Variants in DHRS3 observed in about 807,000 individuals in gnomAD.
DHRS3 encodes short-chain dehydrogenase/reductase 3.
DHRS3 carries 14 observed loss-of-function variants against 27.2 expected under a neutral mutation model. That is an observed-to-expected ratio of 0.52 (90% CI 0.34 to 0.81). DHRS3 has a LOEUF of 0.81. Among genes scored for constraint, DHRS3 ranks in the 30% least tolerant of loss-of-function variants. The probability of loss-of-function intolerance (pLI) is 0.01; values close to 1 mark genes in which losing one functional copy is unlikely to be tolerated. For missense variants in DHRS3, 322 were observed against 406.2 expected (o/e 0.79, Z 1.78); for synonymous variants, 165 against 175.9 (o/e 0.94, Z 0.49).
In DHRS3 at chr1:12,569,934, A is replaced by T. The variant is rs185662319; in HGVS notation, c.825-1510T>A. 2.6e-5 allele frequency: 4 copies of T among 152,328 alleles called. No individual in the cohort carries two copies. In the East Asian group the frequency reaches 7.7e-4, roughly 29 times the overall value. The allele number at this position is 152,328 out of a possible 1,614,324, so 9.4% of individuals were successfully genotyped here. On this transcript the variant is annotated intron_variant, in intron 5 of 5. Transcript: ENST00000616661. ...TAGTCACCCTGCTGTGCTATCAAAG[A>T]CTTGTTCTTATTCGGTCTATTTTTT...
intron 1 of DHRS3, 79 bp downstream of exon 1, chr1:12,617,075 C>G: frequency 6.8e-7 from 1 of 1,466,594 alleles, no homozygotes; most frequent in East Asian, 2.5e-5. Context: ...CTCCCGGGCG[C>G]GGGATCCCGC....
intron 1 of DHRS3, among the ~76,000 whole-genome samples, chr1:12,605,425 C>A (rs12060996): frequency 0.024 from 3,618 of 152,154 alleles, 129 homozygotes; most frequent in African/African-American, 0.082. Context: ...CTGTACAGTA[C>A]CATAGTCATT....
In DHRS3 at chr1:12,608,441, G is replaced by A. The variant is rs1162203834; in HGVS notation, c.195+8713C>T. On this transcript the variant is annotated intron_variant, in intron 1 of 5. Transcript: ENST00000616661. This position sits in a 1 kb window ranked among gnomAD's most constrained non-coding sequence, Gnocchi z 4.1. ...TCCCTGCTCCCCAGCACCCTGGAAA[G>A]CCTGGACAAAGGAATGACATCACTG... is the stretch of plus-strand genomic sequence containing the variant. 6.6e-6 allele frequency among the ~76,000 whole-genome samples: 1 copy of A among 152,142 alleles called. No homozygotes were observed. The highest frequency in any genetic ancestry group is 1.5e-5 in the Non-Finnish European group (1 of 68,034).
chr1:12,617,857 C>T lies in DHRS3; in HGVS notation c.-509G>A, dbSNP rs1270356787. ...AGCGCCCCCACCCCCACCCCGTCTC[C>T]AGAAAAAAAAAAAAAAAAAAAGTGG... is the stretch of plus-strand genomic sequence containing the variant. On this transcript the variant is annotated 5_prime_UTR_variant, in exon 1 of 6. Transcript: ENST00000616661. 1.8e-5 allele frequency: 1 copy of T among 57,088 alleles called. No individual in the cohort carries two copies. Among genetic ancestry groups the T allele is most frequent in the African/African-American group, 8.0e-5 (1 of 12,506 alleles). The allele number at this position is 57,088 out of a possible 1,614,324, so 3.5% of individuals were successfully genotyped here.
intron 1 of DHRS3, among the ~76,000 whole-genome samples, chr1:12,600,192 C>T (rs370535521): frequency 5.9e-5 from 9 of 152,076 alleles, no homozygotes; most frequent in East Asian, 1.9e-4. Flanking sequence ...AAGAAAGAAC[C>T]GCACATCTGT....
Position 12,594,510 on chromosome 1 carries a change from G to T in DHRS3, c.196-13844C>A, listed in dbSNP as rs1646772381. 6.6e-6 allele frequency among the ~76,000 whole-genome samples: 1 copy of T among 152,186 alleles called. No individual in the cohort carries two copies. Among genetic ancestry groups the T allele is most frequent in the Non-Finnish European group, 1.5e-5 (1 of 68,022 alleles). ...GGAGGAACACATAGCTTTGTAGGGG[G>T]TTGGAGGGAGTGATTATGGGGTGGG... On this transcript the variant is annotated intron_variant, in intron 1 of 5. Coordinates refer to ENST00000616661, the MANE Select transcript of DHRS3 (RefSeq NM_004753.7). The surrounding 1 kb of genome is among the most constrained non-coding windows in gnomAD (Gnocchi z 4.1).
In DHRS3 at chr1:12,568,423, T is replaced by G. The variant is rs763109568; in HGVS notation, c.826A>C (p.Ile276Leu). ...TMHALVILKS[I>L]LPQAALEEIH... ...TCCTCGAGTGCAGCCTGTGGAAGTATGCTGGAGTAGGAGGAAGAAAAGAAG... is the reference window on the plus strand; with the variant it reads ...TCCTCGAGTGCAGCCTGTGGAAGTAGGCTGGAGTAGGAGGAAGAAAAGAAG... Residue 276 changes from isoleucine (I) to leucine (L), a missense_variant and splice_region_variant, in exon 6 of 6, where the codon ATA becomes CTA. By Grantham distance (5) the Ile-to-Leu change is conservative (BLOSUM62 2). Coordinates refer to ENST00000616661, the MANE Select transcript of DHRS3 (RefSeq NM_004753.7). 63 of 1,613,308 alleles carry G rather than the reference T, an allele frequency of 3.9e-5. No individual in the cohort carries two copies. The highest frequency in any genetic ancestry group is 6.7e-5 in the African/African-American group (5 of 74,862).
intron 4 of DHRS3, among the ~76,000 whole-genome samples, chr1:12,577,368 A>C (rs1646598989): frequency 6.6e-6 from 1 of 152,174 alleles, no homozygotes; most frequent in Non-Finnish European, 1.5e-5. Context: ...CATCTTGCAG[A>C]TCAGCCACAG....
Position 12,602,345 on chromosome 1 carries a change from G to A in DHRS3, c.195+14809C>T, listed in dbSNP as rs528950497. On this transcript the variant is annotated intron_variant, in intron 1 of 5. Coordinates refer to ENST00000616661, the MANE Select transcript of DHRS3 (RefSeq NM_004753.7). ...TGTGCCACGGGTCATCTCAACAGAG[G>A]TGAGGCCTCGGGTGGAAGGGAGATG... 4.7e-5 allele frequency among the ~76,000 whole-genome samples: 7 copies of A among 150,202 alleles called. No individual in the cohort carries two copies. In the East Asian group the frequency reaches 1.5e-3, roughly 31 times the overall value.
chr1:12,572,545 T>C (rs1053381524), intron 5 of DHRS3, among the ~76,000 whole-genome samples, 183 bp downstream of exon 5: 1 of 152,216 alleles, frequency 6.6e-6, no homozygotes, highest in Admixed American at 6.5e-5. Context: ...GGTTCCTCCA[T>C]ACTTTTTAAA....
intron 1 of DHRS3, among the ~76,000 whole-genome samples, chr1:12,610,978 C>A (rs956397688): frequency 4.8e-4 from 73 of 152,088 alleles, no homozygotes; most frequent in Non-Finnish European, 9.9e-4. Context: ...CAGGTTAAGA[C>A]AAGGGCTTTT....
chr1:12,585,007 G>C (rs1183103422), intron 1 of DHRS3, among the ~76,000 whole-genome samples: 1 of 151,434 alleles, frequency 6.6e-6, no homozygotes, highest in African/African-American at 2.4e-5. Flanking sequence ...GTGTGTCTGT[G>C]TGCATCTCTG....
intron 1 of DHRS3, 59 bp from the exon 2 acceptor site, chr1:12,580,725 A>G (rs1646637144): frequency 6.5e-7 from 1 of 1,547,930 alleles, no homozygotes; most frequent in South Asian, 1.2e-5. Flanking sequence ...TGATGCAACA[A>G]TTGCCACCAG....
At chr1:12,607,379 C>T (rs1172945595) in intron 1 of DHRS3, among the ~76,000 whole-genome samples, 3 of 152,102 alleles carry the variant, frequency 2.0e-5, no homozygotes, top group Admixed American at 1.3e-4. Flanking sequence ...ATGAGGTGGC[C>T]GTAATTGGAT....
In DHRS3 at chr1:12,591,676, C is replaced by G. The variant is rs892467585; in HGVS notation, c.196-11010G>C. ...CTGTCAGCTCAGAAGGGCTCATACC[C>G]GAGAAAACTGATACACGAAGGGGCT... On this transcript the variant is annotated intron_variant, in intron 1 of 5. Transcript: ENST00000616661. This position sits in a 1 kb window ranked among gnomAD's most constrained non-coding sequence, Gnocchi z 4.1. 6.6e-6 allele frequency among the ~76,000 whole-genome samples: 1 copy of G among 152,226 alleles called. No individual in the cohort carries two copies. Among genetic ancestry groups the G allele is most frequent in the African/African-American group, 2.4e-5 (1 of 41,464 alleles).
At chr1:12,599,211 C>T (rs1378814182) in intron 1 of DHRS3, among the ~76,000 whole-genome samples, 1 of 152,270 alleles carries the variant, frequency 6.6e-6, no homozygotes, top group Non-Finnish European at 1.5e-5. Flanking sequence ...CTCATGCTAT[C>T]AGGCTGTGGC....
Position 12,612,088 on chromosome 1 carries a change from G to A in DHRS3, c.195+5066C>T, listed in dbSNP as rs1166297922. Among the ~76,000 whole-genome samples the A allele has an allele frequency of 3.9e-5, 6 of 152,280 alleles. No individual in the cohort carries two copies. The South Asian group carries it at 1.0e-3, about 26-fold the overall frequency. On this transcript the variant is annotated intron_variant, in intron 1 of 5. Coordinates refer to ENST00000616661, the MANE Select transcript of DHRS3 (RefSeq NM_004753.7). The stretch of plus-strand genomic sequence containing the variant: ...AAGAAGGAGATGTTTGTTTATTCAT[G>A]AGACAGGCTCATTTGTAAGGTCAGT...
At position 12,593,683 on chromosome 1, in the gene DHRS3, G is replaced by C. The variant is rs1433906604; in HGVS notation, c.196-13017C>G. Among the ~76,000 whole-genome samples, 4 of 152,234 alleles carry C rather than the reference G, an allele frequency of 2.6e-5. No homozygotes were observed. The highest frequency in any genetic ancestry group is 9.6e-5 in the African/African-American group (4 of 41,538). On this transcript the variant is annotated intron_variant, in intron 1 of 5. Coordinates refer to ENST00000616661, the MANE Select transcript of DHRS3 (RefSeq NM_004753.7). The surrounding 1 kb of genome is among the most constrained non-coding windows in gnomAD (Gnocchi z 4.6). ...GTGATGAGCACCTAGTGTTCCTGAG[G>C]ACACTCCTTCAAATGCTAAAACCAC... is the stretch of plus-strand genomic sequence containing the variant.
At position 12,580,562 on chromosome 1, in the gene DHRS3, C is replaced by A. The variant is rs1646635394; in HGVS notation, c.300G>T (p.Arg100=). ...CHYFICDVGN[R]EEVYQTAKAV... ...CCTTGGCCGTCTGGTACACCTCCTCCCGGTTGCCCACATCACAGATGAAGT... is the reference window on the plus strand; with the variant it reads ...CCTTGGCCGTCTGGTACACCTCCTCACGGTTGCCCACATCACAGATGAAGT... Residue 100 remains arginine (R), a synonymous_variant, in exon 2 of 6, where the codon CGG becomes CGT. Coordinates refer to ENST00000616661, the MANE Select transcript of DHRS3 (RefSeq NM_004753.7). 8 of 1,614,192 alleles carry A rather than the reference C, an allele frequency of 5.0e-6. No individual in the cohort carries two copies. Among genetic ancestry groups the A allele is most frequent in the Non-Finnish European group, 6.8e-6 (8 of 1,180,038 alleles).
Sources: allele counts gnomAD v4.1 joint callset (sites outside exome capture counted in the v4.1 genomes callset), GRCh38; gene constraint gnomAD v4.1.1; non-coding constraint Gnocchi (gnomAD v3.1); transcripts MANE v1.5; gene names NCBI Gene and HGNC (gene_info 2026-07-23, HGNC 2026-07-21).